The following VWF variants were observed in gnomAD, a reference collection of about 807,000 sequenced individuals.
VWF encodes von Willebrand factor.
Under a neutral mutation model 308.6 loss-of-function variants are expected in VWF, and 176 were observed. That is an observed-to-expected ratio of 0.57 (90% CI 0.50 to 0.65). The LOEUF (loss-of-function observed/expected upper bound fraction) is 0.65, where lower values mean the gene tolerates loss of function less well. Among genes scored for constraint, VWF ranks in the 30% least tolerant of loss-of-function variants. VWF has a pLI of 0.00. For missense variants in VWF, 3,146 were observed against 3,648.2 expected, an observed-to-expected ratio of 0.86 and a Z score of 3.55; for synonymous variants, 1,385 against 1,443.4, an observed-to-expected ratio of 0.96 and a Z score of 0.92.
intron 2 of VWF, among the ~76,000 whole-genome samples, 189 bp from the exon 3 acceptor site, chr12:6,121,527 C>CAAT (rs1945431517): frequency 6.6e-6 from 1 of 152,160 alleles, no homozygotes; most frequent in Admixed American, 6.6e-5. Context: ...AGACTCACAG[C>CAAT]AATAACTAAG....
At chr12:6,066,934 C>T (rs1019508664) in intron 10 of VWF, among the ~76,000 whole-genome samples, 2 of 152,228 alleles carry the variant, frequency 1.3e-5, no homozygotes, top group African/African-American at 2.4e-5. Flanking sequence ...CAGGGATGTA[C>T]ACATCCCTCT....
chr12:6,064,322 G>A lies in VWF; in HGVS notation c.1356C>T (p.His452=), dbSNP rs769875003. ...CATGCTTCAGTTTCACAAGGCTGTT[G>A]TGCAGGCCAGGCAGCCGGACGGTGA... ...RSVTVRLPGL[H]NSLVKLKHGA... The change falls in exon 12 of 52, where the codon CAC becomes CAT. Residue 452 remains histidine (H), a synonymous_variant. Transcript: ENST00000261405. 1.2e-6 allele frequency: 2 copies of A among 1,614,198 alleles called. No homozygotes were observed. The highest frequency in any genetic ancestry group is 1.7e-5 in the Admixed American group (1 of 60,032).
chr12:6,037,699 C>T (rs1476218025), intron 18 of VWF, among the ~76,000 whole-genome samples: 1 of 152,164 alleles, frequency 6.6e-6, no homozygotes, highest in Non-Finnish European at 1.5e-5. Flanking sequence ...AGGTGAAGGA[C>T]TGTGGCACCT....
intron 13 of VWF, among the ~76,000 whole-genome samples, chr12:6,061,357 C>A (rs1944653012): frequency 6.6e-6 from 1 of 151,836 alleles, no homozygotes; most frequent in Admixed American, 6.6e-5. Context: ...GCAAGTTACT[C>A]CTGCTCCAGA....
At chr12:6,114,626 T>C (rs988550180) in intron 3 of VWF, among the ~76,000 whole-genome samples, 20 of 152,180 alleles carry the variant, frequency 1.3e-4, no homozygotes, top group African/African-American at 4.8e-4. Flanking sequence ...ATCACAGAGC[T>C]AGTCAGTGAT....
intron 34 of VWF, among the ~76,000 whole-genome samples, chr12:6,003,895 A>C (rs1389742169): frequency 6.9e-6 from 1 of 145,726 alleles, no homozygotes; most frequent in South Asian, 2.1e-4. Flanking sequence ...GGCTCACTAC[A>C]AGCTCCACCT....
At chr12:6,120,353 G>C (rs900102180) in intron 3 of VWF, among the ~76,000 whole-genome samples, 2 of 150,984 alleles carry the variant, frequency 1.3e-5, no homozygotes, top group African/African-American at 4.9e-5. Flanking sequence ...ATGGAGTCTC[G>C]CTCTGTTGCC....
At chr12:5,991,242 G>C (rs557213790) in intron 38 of VWF, among the ~76,000 whole-genome samples, 56 of 151,550 alleles carry the variant, frequency 3.7e-4, no homozygotes, top group Admixed American at 1.4e-3. Context: ...AAATAAGTTT[G>C]AGAAACAAAA....
chr12:5,983,818 T>TAGATA (rs57391778), intron 40 of VWF, among the ~76,000 whole-genome samples: 1 of 138,404 alleles, frequency 7.2e-6, no homozygotes, highest in Non-Finnish European at 1.6e-5. Context: ...GATAGATAGA[T>TAGATA]GATAGAGGAT....
At chr12:5,961,856 T>TGTTGGGATTAAA (rs779993020) in intron 47 of VWF, among the ~76,000 whole-genome samples, 204 of 152,244 alleles carry the variant, frequency 1.3e-3, no homozygotes, top group South Asian at 2.5e-3. Context: ...CCCTACAAAA[T>TGTTGGGATTAAA]TCCTATGTTG....
At chr12:6,122,667 C>T in intron 2 of VWF, 1 of 450,450 alleles carries the variant, frequency 2.2e-6, no homozygotes, top group South Asian at 1.6e-5. Context: ...AAGGGAAGGG[C>T]AGCAGTATGA....
chr12:6,030,777 C>G (rs908711878), intron 21 of VWF, among the ~76,000 whole-genome samples: 4 of 152,204 alleles, frequency 2.6e-5, no homozygotes, highest in African/African-American at 9.7e-5. Flanking sequence ...CCTGTAATCT[C>G]AGCACTTTGG....
chr12:6,116,299 T>A (rs1207195974), intron 3 of VWF, among the ~76,000 whole-genome samples: 1 of 152,026 alleles, frequency 6.6e-6, no homozygotes, highest in Non-Finnish European at 1.5e-5. Flanking sequence ...GAGTGAGGAG[T>A]AAGCTCCTAG....
intron 48 of VWF, 38 bp downstream of exon 48, chr12:5,953,458 T>G: frequency 5.1e-6 from 8 of 1,573,530 alleles, no homozygotes; most frequent in Non-Finnish European, 5.2e-6. Context: ...AGCAAGATGG[T>G]GATATGTGAG....
At chr12:6,013,933 T>C (rs985510219) in intron 31 of VWF, among the ~76,000 whole-genome samples, 6 of 151,768 alleles carry the variant, frequency 4.0e-5, no homozygotes, top group African/African-American at 1.5e-4. Context: ...AAAGTAAATA[T>C]ATAGAATTTC....
chr12:6,118,229 G>A (rs1250767723), intron 3 of VWF, among the ~76,000 whole-genome samples: 2 of 152,056 alleles, frequency 1.3e-5, no homozygotes, highest in Non-Finnish European at 2.9e-5. Context: ...TGGGACTAAG[G>A]TATTAGTATG....
At chr12:6,094,163 C>A (rs1945079384) in intron 6 of VWF, among the ~76,000 whole-genome samples, 1 of 152,172 alleles carries the variant, frequency 6.6e-6, no homozygotes, top group South Asian at 2.1e-4. Context: ...TGATCTCAGC[C>A]CAGGGAAACT....
At chr12:6,029,236 G>A in intron 22 of VWF, 106 bp downstream of exon 22, 2 of 1,470,368 alleles carry the variant, frequency 1.4e-6, no homozygotes, top group South Asian at 2.3e-5. Flanking sequence ...ACCCAACACA[G>A]GAGCACCTGG....
At chr12:6,095,191 G>C in intron 6 of VWF, 1 of 468,240 alleles carries the variant, frequency 2.1e-6, no homozygotes, top group South Asian at 2.0e-5. Context: ...GATAATTTAT[G>C]TTCCTTAAAA....
Sources: gnomAD v4.1 joint callset for allele counts (sites outside exome capture counted in the v4.1 genomes callset) on GRCh38, gnomAD v4.1.1 for gene constraint, MANE v1.5 for transcripts, NCBI Gene and HGNC (gene_info 2026-07-23, HGNC 2026-07-21) for gene names.